ZNF419: variants seen among roughly 807,000 people sequenced by gnomAD.
ZNF419 encodes zinc finger protein 419A.
In ZNF419, 8 loss-of-function variants were observed where a neutral mutation model predicts 14.9. The observed-to-expected ratio is 0.54, with a 90% CI of 0.32 to 0.97. ZNF419 has a LOEUF of 0.97. Among genes scored for constraint, ZNF419 ranks in the 50% least tolerant of loss-of-function variants. The pLI is 0.04. For synonymous variants in ZNF419, 211 were observed against 205.3 expected (o/e 1.03, Z -0.24); for missense variants, 595 against 607.2 (o/e 0.98, Z 0.21).
Position 57,487,756 on chromosome 19 carries a change from C to T in ZNF419, c.-195C>T. The T allele has an allele frequency of 7.1e-6, 5 of 703,922 alleles. No homozygotes were observed. The highest frequency in any genetic ancestry group is 5.4e-5 in the East Asian group (2 of 36,766). 43.6% of individuals were successfully genotyped at this position (703,922 alleles called of 1,614,324 possible). On this transcript the variant is annotated 5_prime_UTR_variant, in exon 1 of 5. Coordinates refer to ENST00000221735, the MANE Select transcript of ZNF419 (RefSeq NM_024691.4). ...GACTTCCGGCGTCTCGTTTGGTATT[C>T]ACTTTCGCGACTCAGGTGAACTAAC...
At chr19:57,491,762 CT>C (rs1353240015) in intron 3 of ZNF419, 165 bp downstream of exon 3, 1 of 1,045,892 alleles carries the variant, frequency 9.6e-7, no homozygotes, top group Non-Finnish European at 1.4e-6. Context: ...ATACTACCAC[CT>C]TCTCTCCCCA....
intron 1 of ZNF419, 163 bp downstream of exon 1, chr19:57,488,146 A>G: frequency 2.7e-6 from 3 of 1,104,116 alleles, no homozygotes; most frequent in Non-Finnish European, 1.3e-6. Flanking sequence ...CCGGCTCGCA[A>G]AGATGTGAGG....
chr19:57,490,070 T>C (rs1317750246), intron 1 of ZNF419, 77 bp from the exon 2 acceptor site: 23 of 1,413,792 alleles, frequency 1.6e-5, no homozygotes, highest in Non-Finnish European at 2.1e-5. Context: ...CACACCTGAC[T>C]CCAGGCTAGA....
rs2089392041 is a variant in ZNF419, at chr19:57,487,923, T to C, written c.-28T>C. The C allele has an allele frequency of 1.2e-6, 2 of 1,613,712 alleles. No homozygotes were observed. Among genetic ancestry groups the C allele is most frequent in the Non-Finnish European group, 1.7e-6 (2 of 1,179,824 alleles). On this transcript the variant is annotated 5_prime_UTR_variant, in exon 1 of 5. Transcript: ENST00000221735. ...CCGGGCCCTTTCCTCGGTCATTGTCTCCCCTCCAGCTCTACTCACAGGCTC... is the reference window on the plus strand; with the variant it reads ...CCGGGCCCTTTCCTCGGTCATTGTCCCCCCTCCAGCTCTACTCACAGGCTC...
In ZNF419 at chr19:57,491,511, A is replaced by G. The variant is rs1282114479; in HGVS notation, c.113A>G (p.Gln38Arg). Reference sequence around the variant, plus strand: ...GAGGATGTGGCTGTCTACTTCTCCCAGGAGGAATGGAGATTGCTTGATGAC... The same window carrying G: ...GAGGATGTGGCTGTCTACTTCTCCCGGGAGGAATGGAGATTGCTTGATGAC... ...TFEDVAVYFS[Q>R]EEWRLLDDAQ... The change falls in exon 3 of 5, where the codon CAG becomes CGG. Residue 38 changes from glutamine to arginine, a missense_variant. Coordinates refer to ENST00000221735, the MANE Select transcript of ZNF419 (RefSeq NM_024691.4). 6.2e-7 allele frequency: 1 copy of G among 1,614,132 alleles called. No individual in the cohort carries two copies. Among genetic ancestry groups the G allele is most frequent in the South Asian group, 1.1e-5 (1 of 91,078 alleles).
At position 57,487,784 on chromosome 19, in the gene ZNF419, G is replaced by A; in HGVS notation, c.-167G>A. ...TTTCGCGACTCAGGTGAACTAACCT[G>A]CGAGAAGCTGGTTGTGCGCTGAGGC... is the stretch of plus-strand genomic sequence containing the variant. On this transcript the variant is annotated 5_prime_UTR_variant, in exon 1 of 5. Coordinates refer to ENST00000221735, the MANE Select transcript of ZNF419 (RefSeq NM_024691.4). 1.1e-6 allele frequency: 1 copy of A among 931,526 alleles called. No homozygotes were observed. The highest frequency in any genetic ancestry group is 1.7e-6 in the Non-Finnish European group (1 of 601,320). The allele number at this position is 931,526 out of a possible 1,614,324, so 57.7% of individuals were successfully genotyped here. A position where few individuals can be genotyped will look rare whatever the true frequency, so the allele number is the denominator to read the frequency against.
At chr19:57,489,080 C>G (rs1384921149) in intron 1 of ZNF419, 1 of 152,264 alleles carries the variant, frequency 6.6e-6, no homozygotes, top group Admixed American at 6.5e-5. Context: ...GCTGGAGCAG[C>G]CCCTTTGGTG....
chr19:57,489,351 G>A (rs977641740), intron 1 of ZNF419: 1 of 152,222 alleles, frequency 6.6e-6, no homozygotes, highest in African/African-American at 2.4e-5. Context: ...TTAAACTGAT[G>A]TAAGCACTTC....
chr19:57,491,745 G>T lies in ZNF419; in HGVS notation c.199+148G>T, dbSNP rs2089490348. The T allele has an allele frequency of 4.3e-6, 5 of 1,165,630 alleles. No individual in the cohort carries two copies. The African/African-American group carries it at 4.6e-5, about 11-fold the overall frequency. The allele number at this position is 1,165,630 out of a possible 1,614,324, so 72.2% of individuals were successfully genotyped here. ...GAAGTAGCTATTGTAATAGGCCTGG[G>T]CTGTGTATACTACCACCTTCTCTCC... On this transcript the variant is annotated intron_variant, in intron 3 of 4. Transcript: ENST00000221735.
At chr19:57,492,338 A>G (rs2089507112) in intron 4 of ZNF419, 127 bp downstream of exon 4, 1 of 1,073,078 alleles carries the variant, frequency 9.3e-7, no homozygotes, top group African/African-American at 1.6e-5. Context: ...TTCCTTAGTC[A>G]CCCATTTATA....
rs760056757 is a variant in ZNF419, at chr19:57,493,011, G to T, written c.454G>T (p.Val152Phe). The change falls in exon 5 of 5, where the codon GTT becomes TTT. Residue 152 changes from valine (V) to phenylalanine (F), a missense_variant. Transcript: ENST00000221735. ...GRVPVLRSCK[V>F]HLSEKSLQSR... ...GGTCCCAGTTTTGAGGAGTTGCAAA[G>T]TTCACCTATCAGAGAAGTCCTTGCA... 2.5e-5 allele frequency: 41 copies of T among 1,614,044 alleles called. No homozygotes were observed. In the Admixed American group the frequency reaches 6.7e-4, roughly 26 times the overall value.
chr19:57,491,114 A>T, intron 2 of ZNF419: 1 of 274,508 alleles, frequency 3.6e-6, no homozygotes, highest in South Asian at 5.2e-5. Context: ...GCACATTCTA[A>T]TAAGTGTAAA....
chr19:57,487,761 TC>T lies in ZNF419; in HGVS notation c.-189del. 4 of 732,012 alleles carry T rather than the reference TC, an allele frequency of 5.5e-6. No homozygotes were observed. The highest frequency in any genetic ancestry group is 9.1e-6 in the Non-Finnish European group (4 of 440,636). 45.3% of individuals were successfully genotyped at this position (732,012 alleles called of 1,614,324 possible). A position where few individuals can be genotyped will look rare whatever the true frequency, so the allele number is the denominator to read the frequency against. On this transcript the variant is annotated 5_prime_UTR_variant, in exon 1 of 5. Transcript: ENST00000221735. ...CCGGCGTCTCGTTTGGTATTCACTT[TC>T]GCGACTCAGGTGAACTAACCTGCGA...
At position 57,493,365 on chromosome 19, in the gene ZNF419, C is replaced by T. The variant is rs201812566; in HGVS notation, c.808C>T (p.Arg270Cys). The T allele has an allele frequency of 9.7e-5, 157 of 1,613,970 alleles. No individual in the cohort carries two copies. Among genetic ancestry groups the T allele is most frequent in the South Asian group, 3.4e-4 (31 of 91,080 alleles). The change falls in exon 5 of 5, where the codon CGT (arginine) becomes TGT (cysteine). Residue 270 changes from arginine to cysteine, a missense_variant. Coordinates refer to ENST00000221735, the MANE Select transcript of ZNF419 (RefSeq NM_024691.4). ...GCSNCGKSFS[R>C]NAHLIEHQRV... Reference sequence around the variant, plus strand: ...TAGTAACTGTGGAAAATCCTTTAGCCGTAATGCTCACCTCATTGAACACCA... The same window carrying T: ...TAGTAACTGTGGAAAATCCTTTAGCTGTAATGCTCACCTCATTGAACACCA...
chr19:57,494,175 G>A lies in ZNF419; in HGVS notation c.*85G>A. The A allele has an allele frequency of 6.6e-7, 1 of 1,511,218 alleles. No homozygotes were observed. 93.6% of individuals were successfully genotyped at this position (1,511,218 alleles called of 1,614,324 possible). ...GAAAAAATCTTGAAGGTAACAGATGGAAATCCGTTAGCCACACCTCCAGTC... is the reference window on the plus strand; with the variant it reads ...GAAAAAATCTTGAAGGTAACAGATGAAAATCCGTTAGCCACACCTCCAGTC... On this transcript the variant is annotated 3_prime_UTR_variant, in exon 5 of 5. Transcript: ENST00000221735.
chr19:57,492,798 G>A, intron 4 of ZNF419, 58 bp from the exon 5 acceptor site: 1 of 1,604,080 alleles, frequency 6.2e-7, no homozygotes, highest in Non-Finnish European at 8.5e-7. Context: ...ATCTGTGAGA[G>A]TGCTGCCTCC....
chr19:57,492,807 C>T, intron 4 of ZNF419, 49 bp from the exon 5 acceptor site: 1 of 1,611,920 alleles, frequency 6.2e-7, no homozygotes, highest in Non-Finnish European at 8.5e-7. Flanking sequence ...AGTGCTGCCT[C>T]CTCACACCAA....
intron 3 of ZNF419, 140 bp downstream of exon 3, chr19:57,491,737 A>G: frequency 8.2e-7 from 1 of 1,224,130 alleles, no homozygotes; most frequent in Non-Finnish European, 1.2e-6. Flanking sequence ...CTATTGTAAT[A>G]GGCCTGGGCT....
rs780872206 is a variant in ZNF419 at position 57,492,878 on chromosome 19, T to G, written c.321T>G (p.Ala107=). The change falls in exon 5 of 5, where the codon GCT becomes GCG. Residue 107 remains alanine (A), a synonymous_variant. Transcript: ENST00000221735. ...CAGGTTGTTGGCATGGAGCCGAGGC[T>G]GAGGAGGCTCCTGAGCAGATTGCTT... ...IPRGCWHGAE[A]EEAPEQIASV... 1 of 1,613,734 alleles carries G rather than the reference T, an allele frequency of 6.2e-7. No individual in the cohort carries two copies. The highest frequency in any genetic ancestry group is 1.1e-5 in the South Asian group (1 of 91,058).
Sources: allele counts gnomAD v4.1 joint callset, GRCh38; gene constraint gnomAD v4.1.1; transcripts MANE v1.5; gene names NCBI Gene and HGNC (gene_info 2026-07-23, HGNC 2026-07-21).